KNL1: variants seen among roughly 807,000 people sequenced by gnomAD.
The protein encoded by KNL1 is outer kinetochore KNL1 complex subunit KNL1.
In KNL1, 66 loss-of-function variants were observed where a neutral mutation model predicts 201.3. The observed-to-expected ratio is 0.33, with a 90% confidence interval of 0.27 to 0.40. The LOEUF (loss-of-function observed/expected upper bound fraction) is 0.40. Among genes scored for constraint, KNL1 ranks in the 10% least tolerant of loss-of-function variants. The pLI, the probability that KNL1 is intolerant of heterozygous loss-of-function variation, is 1.00. For missense variants in KNL1, 2,815 were observed against 2,690.5 expected (o/e 1.05, Z -1.02); for synonymous variants, 895 against 899.2 (o/e 1.00, Z 0.08).
intron 22 of KNL1, among the ~76,000 whole-genome samples, chr15:40,655,373 C>T (rs879653314): frequency 2.0e-5 from 3 of 151,128 alleles, no homozygotes; most frequent in Non-Finnish European, 4.4e-5. Context: ...GAAGGCAGAT[C>T]ACAAGGTCAG....
Position 40,623,209 on chromosome 15 carries a change from G to A in KNL1, c.2945G>A (p.Ser982Asn), listed in dbSNP as rs200892817. 5.3e-5 allele frequency: 86 copies of A among 1,613,950 alleles called. No individual in the cohort carries two copies. In the African/African-American group the frequency reaches 1.1e-3, roughly 21 times the overall value. The change falls in exon 10 of 26, where the codon AGC (serine) becomes AAC (asparagine). Residue 982 changes from serine (S) to asparagine (N), a missense_variant. Ser to Asn is a conservative substitution (Grantham distance 46, BLOSUM62 1). Coordinates refer to ENST00000399668, the MANE Select transcript of KNL1 (RefSeq NM_144508.5). Reference sequence around the variant, plus strand: ...AACTTTGAACTATCCCAAAGGAAAAGCCTAGGAACACCAACAGTGATATGT... The same window carrying A: ...AACTTTGAACTATCCCAAAGGAAAAACCTAGGAACACCAACAGTGATATGT... ...RPNFELSQRK[S>N]LGTPTVICTP...
intron 13 of KNL1, among the ~76,000 whole-genome samples, chr15:40,632,594 C>G (rs1038434569): frequency 1.6e-4 from 25 of 151,628 alleles, no homozygotes; most frequent in Non-Finnish European, 1.6e-4. Context: ...AGAGCCGGAC[C>G]CTGTCTCAAA....
In KNL1 at chr15:40,645,701, A is replaced by C; in HGVS notation, c.5935A>C (p.Thr1979Pro). ...TCTTAACAAAATAAAGTCATGTTTT[A>C]CCAAGATGACTAAAGTCTTCACTCA... ...IYLNKIKSCF[T>P]KMTKVFTHQG... Residue 1979 changes from threonine to proline, a missense_variant, in exon 16 of 26, where the codon ACC becomes CCC. This residue lies in a region of KNL1 where 17 missense variants were observed against 36.2 expected (regional missense o/e 0.47). Coordinates refer to ENST00000399668, the MANE Select transcript of KNL1 (RefSeq NM_144508.5). 1 of 1,610,642 alleles carries C rather than the reference A, an allele frequency of 6.2e-7. No individual in the cohort carries two copies. Among genetic ancestry groups the C allele is most frequent in the Non-Finnish European group, 8.5e-7 (1 of 1,178,986 alleles).
At chr15:40,640,093 C>CTT (rs1893180630) in intron 13 of KNL1, among the ~76,000 whole-genome samples, 4 of 137,734 alleles carry the variant, frequency 2.9e-5, no homozygotes, top group African/African-American at 1.1e-4. Context: ...TTCTTTTTTT[C>CTT]TTTTCTTTTT....
In KNL1 at chr15:40,622,813, G is replaced by A. The variant is rs1296337597; in HGVS notation, c.2549G>A (p.Arg850Lys). 1 of 1,612,980 alleles carries A rather than the reference G, an allele frequency of 6.2e-7. No individual in the cohort carries two copies. Among genetic ancestry groups the A allele is most frequent in the East Asian group, 2.2e-5 (1 of 44,886 alleles). ...AAGCAAAATGTCAAAATTTGGGGAAGGAAAAGTGTTGGTGGACCAAAAATT... is the reference window on the plus strand; with the variant it reads ...AAGCAAAATGTCAAAATTTGGGGAAAGAAAAGTGTTGGTGGACCAAAAATT... The part of the protein sequence containing the change: ...KEKQNVKIWG[R>K]KSVGGPKIDK... The change falls in exon 10 of 26, where the codon AGG becomes AAG. Residue 850 changes from arginine (R) to lysine (K), a missense_variant. Arg to Lys is a conservative substitution (Grantham distance 26). This residue lies in a region of KNL1 where 2,464 missense variants were observed against 2,291.7 expected (regional missense o/e 1.08). Transcript: ENST00000399668.
chr15:40,638,973 G>A (rs1337256782), intron 13 of KNL1, among the ~76,000 whole-genome samples: 5 of 149,682 alleles, frequency 3.3e-5, no homozygotes, highest in African/African-American at 9.8e-5. Flanking sequence ...CACCACACCC[G>A]GCTAATTTTG....
At position 40,625,552 on chromosome 15, in the gene KNL1, C is replaced by T. The variant is rs767420581; in HGVS notation, c.5288C>T (p.Thr1763Met). The T allele has an allele frequency of 4.7e-5, 75 of 1,606,964 alleles. No individual in the cohort carries two copies. The highest frequency in any genetic ancestry group is 2.6e-4 in the Admixed American group (15 of 57,946). The stretch of plus-strand genomic sequence containing the variant: ...AAAACTTGCAATAGCCAAAAAAGAA[C>T]GTGGGTACAAGAAGAAGAAGATATT... ...MGKTCNSQKR[T>M]WVQEEEDIHK... Residue 1763 changes from threonine to methionine, a missense_variant, in exon 10 of 26, where the codon ACG becomes ATG. Physicochemically the swap from Thr to Met is moderately conservative, Grantham distance 81. Coordinates refer to ENST00000399668, the MANE Select transcript of KNL1 (RefSeq NM_144508.5).
chr15:40,641,192 A>C (rs1243214576), intron 14 of KNL1, among the ~76,000 whole-genome samples, 165 bp downstream of exon 14: 1 of 152,222 alleles, frequency 6.6e-6, no homozygotes, highest in Non-Finnish European at 1.5e-5. Flanking sequence ...AGTCAGATTG[A>C]AGCTCAGTCT....
intron 1 of KNL1, among the ~76,000 whole-genome samples, chr15:40,602,252 C>G (rs1338460196): frequency 6.8e-6 from 1 of 146,448 alleles, no homozygotes; most frequent in East Asian, 2.0e-4. Flanking sequence ...CCAAGATGGT[C>G]TCGATCTCCT....
intron 13 of KNL1, among the ~76,000 whole-genome samples, chr15:40,633,082 G>A (rs1402222959): frequency 6.6e-6 from 1 of 151,752 alleles, no homozygotes; most frequent in Non-Finnish European, 1.5e-5. Flanking sequence ...TAATTCCAGT[G>A]CTTTGGGAGG....
intron 2 of KNL1, among the ~76,000 whole-genome samples, chr15:40,604,013 C>T (rs1408997822): frequency 6.6e-6 from 1 of 152,108 alleles, no homozygotes; most frequent in Non-Finnish European, 1.5e-5. Context: ...TGGGGAGGTG[C>T]TTTTGCCCCA....
chr15:40,648,861 A>C (rs1595944004), intron 17 of KNL1, among the ~76,000 whole-genome samples: 1 of 128,622 alleles, frequency 7.8e-6, no homozygotes, highest in Non-Finnish European at 1.6e-5. Context: ...ATGGTATTTC[A>C]CTGTCGTTAC....
intron 24 of KNL1, among the ~76,000 whole-genome samples, chr15:40,658,865 G>A (rs1314765149): frequency 2.0e-5 from 3 of 151,688 alleles, no homozygotes; most frequent in Non-Finnish European, 4.4e-5. Flanking sequence ...GGAAGGTGGA[G>A]GTTGCAGTGA....
intron 7 of KNL1, among the ~76,000 whole-genome samples, chr15:40,611,858 C>G (rs1288957354): frequency 6.6e-6 from 1 of 152,058 alleles, no homozygotes; most frequent in Non-Finnish European, 1.5e-5. Context: ...CTTTATTCAT[C>G]ATAAGAGAAG....
rs367568855 is a variant in KNL1 at position 40,623,224 on chromosome 15, C to G, written c.2960C>G (p.Thr987Arg). ...LSQRKSLGTP[T>R]VICTPTEESV... ...CAAAGGAAAAGCCTAGGAACACCAA[C>G]AGTGATATGTACTCCTACTGAGGAG... The change falls in exon 10 of 26, where the codon ACA becomes AGA. Residue 987 changes from threonine (T) to arginine (R), a missense_variant. Physicochemically the swap from Thr to Arg is moderately conservative, Grantham distance 71 (BLOSUM62 -1). Coordinates refer to ENST00000399668, the MANE Select transcript of KNL1 (RefSeq NM_144508.5). 1 of 1,613,828 alleles carries G rather than the reference C, an allele frequency of 6.2e-7. No individual in the cohort carries two copies. The highest frequency in any genetic ancestry group is 8.5e-7 in the Non-Finnish European group (1 of 1,179,894).
chr15:40,644,950 A>T, intron 14 of KNL1, 47 bp from the exon 15 acceptor site: 2 of 1,227,634 alleles, frequency 1.6e-6, no homozygotes, highest in Non-Finnish European at 2.4e-6. Flanking sequence ...TAACAGTCTG[A>T]TCTCTTTCTT....
intron 1 of KNL1, among the ~76,000 whole-genome samples, chr15:40,600,180 A>G (rs1891749094): frequency 6.6e-6 from 1 of 150,468 alleles, no homozygotes; most frequent in Non-Finnish European, 1.5e-5. Context: ...GGTTCAAGCA[A>G]TTCTCCTGCC....
chr15:40,648,590 G>A (rs946019809), intron 17 of KNL1, among the ~76,000 whole-genome samples: 9 of 151,856 alleles, frequency 5.9e-5, no homozygotes, highest in Admixed American at 2.6e-4. Flanking sequence ...TCCTGTCATC[G>A]GCAGCTTCAG....
intron 5 of KNL1, 125 bp from the exon 6 acceptor site, chr15:40,610,120 C>T: frequency 1.7e-6 from 1 of 591,018 alleles, no homozygotes; most frequent in Non-Finnish European, 3.0e-6. Context: ...GAGTATATGG[C>T]ATAGCAAAGA....
Sources: allele counts gnomAD v4.1 joint callset (sites outside exome capture counted in the v4.1 genomes callset), GRCh38; gene constraint gnomAD v4.1.1; regional missense constraint gnomAD v4.1.1; transcripts MANE v1.5; gene names NCBI Gene and HGNC (gene_info 2026-07-23, HGNC 2026-07-21).